The following SMPD3 variants were observed in gnomAD, a reference collection of about 807,000 sequenced individuals.
SMPD3 encodes sphingomyelin phosphodiesterase 3, also known as nSMase-2.
In SMPD3, 21 loss-of-function variants were observed where a neutral mutation model predicts 55.7. That is an observed-to-expected ratio of 0.38 (90% CI 0.27 to 0.54). The LOEUF (loss-of-function observed/expected upper bound fraction) is 0.54. SMPD3 is among the 20% of genes least tolerant of loss of function. The probability of loss-of-function intolerance (pLI) is 0.80; values close to 1 mark genes in which losing one functional copy is unlikely to be tolerated. For synonymous variants in SMPD3, 457 were observed against 404.3 expected (o/e 1.13, Z -1.56); for missense variants, 842 against 899.6 (o/e 0.94, Z 0.82).
At position 68,371,518 on chromosome 16, in the gene SMPD3, C is replaced by T. The variant is rs1334101256; in HGVS notation, c.664G>A (p.Asp222Asn). 6.2e-7 allele frequency: 1 copy of T among 1,600,066 alleles called. No individual in the cohort carries two copies. Residue 222 changes from aspartate to asparagine, a missense_variant, in exon 3 of 9, where the codon GAC becomes AAC. Asp to Asn is a conservative substitution (Grantham distance 23). Around this residue, in one of 2 missense-constraint regions of SMPD3, gnomAD observed 649 missense variants for 643.6 expected, o/e 1.01. Transcript: ENST00000219334. ...YKGDGGRHPG[D>N]EAANGPASGD... ...GAGGCTGGGCCGTTGGCAGCCTCGT[C>T]ACCGGGGTGCCGCCCACCGTCACCC...
chr16:68,432,115 CAA>C (rs577479798), intron 1 of SMPD3, among the ~76,000 whole-genome samples: 1 of 143,986 alleles, frequency 6.9e-6, no homozygotes, highest in Non-Finnish European at 1.5e-5. Context: ...CTCTGTCTCG[CAA>C]AAAAAAAAAA....
At chr16:68,441,765 A>T (rs1306126201) in intron 1 of SMPD3, among the ~76,000 whole-genome samples, 2 of 151,976 alleles carry the variant, frequency 1.3e-5, no homozygotes, top group Non-Finnish European at 2.9e-5. Context: ...TATTTTAAAA[A>T]TTTTTTAAAT....
rs1314254060 is a variant in SMPD3, at chr16:68,360,228, G to GA, written c.*977dup. 1 of 152,540 alleles carries GA rather than the reference G, an allele frequency of 6.6e-6. No individual in the cohort carries two copies. The highest frequency in any genetic ancestry group is 6.5e-5 in the Admixed American group (1 of 15,290). 9.4% of individuals were successfully genotyped at this position (152,540 alleles called of 1,614,324 possible). A position where few individuals can be genotyped will look rare whatever the true frequency, so the allele number is the denominator to read the frequency against. Reference sequence around the variant, plus strand: ...CGAACCAGAGAGGTGTCCCGTGGGGGAGAGGATTGGCAGAAAGAAGAGGAT... The same window carrying GA: ...CGAACCAGAGAGGTGTCCCGTGGGGGAAGAGGATTGGCAGAAAGAAGAGGAT... On this transcript the variant is annotated 3_prime_UTR_variant, in exon 9 of 9. Transcript: ENST00000219334.
chr16:68,444,186 C>A (rs958740378), intron 1 of SMPD3, among the ~76,000 whole-genome samples: 2 of 152,204 alleles, frequency 1.3e-5, no homozygotes, highest in African/African-American at 4.8e-5. Flanking sequence ...GCCCTCAGCT[C>A]TTGCTTCTGG....
At chr16:68,439,382 C>T (rs894107958) in intron 1 of SMPD3, among the ~76,000 whole-genome samples, 21 of 152,318 alleles carry the variant, frequency 1.4e-4, no homozygotes, top group African/African-American at 5.1e-4. Context: ...TCAAAACACC[C>T]CACTCTAGCT....
intron 3 of SMPD3, among the ~76,000 whole-genome samples, chr16:68,366,635 G>T (rs1461972494): frequency 6.6e-6 from 1 of 152,242 alleles, no homozygotes; most frequent in Non-Finnish European, 1.5e-5. Context: ...GGAGGCCGAG[G>T]CAAGTGGATC....
At chr16:68,436,433 C>A (rs1032114366) in intron 1 of SMPD3, among the ~76,000 whole-genome samples, 2 of 152,142 alleles carry the variant, frequency 1.3e-5, no homozygotes, top group African/African-American at 4.8e-5. Context: ...TCTGCTCCTC[C>A]TTCCATATTA....
In SMPD3 at chr16:68,416,059, G is replaced by A. The variant is rs916986296; in HGVS notation, c.-268-29400C>T. On this transcript the variant is annotated intron_variant, in intron 1 of 8. Coordinates refer to ENST00000219334, the MANE Select transcript of SMPD3 (RefSeq NM_018667.4). ...CAACATCTGCGCTGCAAGGGCTGCT[G>A]GAAGAGCCAGGCAGAACCAAATGGA... Among the ~76,000 whole-genome samples the A allele has an allele frequency of 2.0e-5, 3 of 152,168 alleles. No homozygotes were observed. In the South Asian group the frequency reaches 6.2e-4, roughly 32 times the overall value.
chr16:68,409,309 G>A (rs1261999303), intron 1 of SMPD3, among the ~76,000 whole-genome samples: 2 of 152,186 alleles, frequency 1.3e-5, no homozygotes, highest in Admixed American at 6.5e-5. Context: ...GGTGCAGTGA[G>A]GGGAGAGGCA....
intron 1 of SMPD3, among the ~76,000 whole-genome samples, chr16:68,405,911 G>C (rs1011101969): frequency 1.3e-5 from 2 of 152,146 alleles, no homozygotes; most frequent in African/African-American, 4.8e-5. Context: ...CTTAACCCCA[G>C]ACTTAGTACC....
At chr16:68,405,907 C>G (rs142538967) in intron 1 of SMPD3, among the ~76,000 whole-genome samples, 5 of 152,282 alleles carry the variant, frequency 3.3e-5, no homozygotes, top group African/African-American at 1.2e-4. Context: ...CGCCCTTAAC[C>G]CCAGACTTAG....
intron 2 of SMPD3, among the ~76,000 whole-genome samples, chr16:68,376,583 T>G (rs954516519): frequency 6.6e-6 from 1 of 152,228 alleles, no homozygotes; most frequent in East Asian, 1.9e-4. Context: ...TTTGTCCCCT[T>G]TGCGAATCCT....
At chr16:68,405,277 G>A (rs112101407) in intron 1 of SMPD3, among the ~76,000 whole-genome samples, 3 of 152,054 alleles carry the variant, frequency 2.0e-5, no homozygotes, top group African/African-American at 4.8e-5. Context: ...CAGGCCGGAC[G>A]TGGTTGCTCA....
At chr16:68,419,538 G>C (rs2090372030) in intron 1 of SMPD3, among the ~76,000 whole-genome samples, 4 of 152,220 alleles carry the variant, frequency 2.6e-5, no homozygotes, top group Admixed American at 2.6e-4. Flanking sequence ...TCCAACATCT[G>C]TTGACTGTCT....
chr16:68,381,391 G>C (rs376032331), intron 2 of SMPD3, among the ~76,000 whole-genome samples: 216 of 152,326 alleles, frequency 1.4e-3, no homozygotes, highest in African/African-American at 5.1e-3. Context: ...GGGGAGACCA[G>C]AGCTCTTTTC....
chr16:68,398,039 CAGGG>C (rs57767309), intron 1 of SMPD3, among the ~76,000 whole-genome samples: 29,441 of 140,082 alleles, frequency 0.21, 4,068 homozygotes, highest in African/African-American at 0.4. Flanking sequence ...GGGGCTTCGT[CAGGG>C]AGGGAGGGAG....
At chr16:68,361,844 T>G in intron 7 of SMPD3, 85 bp from the exon 8 acceptor site, 85 of 766,794 alleles carry the variant, frequency 1.1e-4, no homozygotes, top group Non-Finnish European at 1.4e-4. Flanking sequence ...CATGGTCTCC[T>G]CCCAGTGTGG....
At chr16:68,445,590 C>T (rs946125247) in intron 1 of SMPD3, among the ~76,000 whole-genome samples, 1 of 152,210 alleles carries the variant, frequency 6.6e-6, no homozygotes, top group Non-Finnish European at 1.5e-5. Flanking sequence ...TGAGCCTCTA[C>T]ACCATGGGGG....
intron 7 of SMPD3, among the ~76,000 whole-genome samples, chr16:68,362,834 C>CAT (rs1318605812): frequency 6.6e-6 from 1 of 152,214 alleles, no homozygotes; most frequent in African/African-American, 2.4e-5. Flanking sequence ...ATCATCATCT[C>CAT]ATAAAAAGAA....
Sources: gnomAD v4.1 joint callset for allele counts (sites outside exome capture counted in the v4.1 genomes callset) on GRCh38, gnomAD v4.1.1 for gene constraint, gnomAD v4.1.1 regional missense constraint, MANE v1.5 for transcripts, NCBI Gene and HGNC (gene_info 2026-07-23, HGNC 2026-07-21) for gene names.